The following RSRC1 variants were observed in gnomAD, a reference collection of about 807,000 sequenced individuals.
RSRC1 encodes the protein serine/Arginine-related protein 53.
Under a neutral mutation model 49.1 loss-of-function variants are expected in RSRC1, and 39 were observed. The observed-to-expected ratio is 0.79, with a 90% CI of 0.61 to 1.04. The LOEUF (loss-of-function observed/expected upper bound fraction) is 1.04, where lower values mean the gene tolerates loss of function less well. Ranked by LOEUF, RSRC1 falls within the 50% of genes least tolerant of loss-of-function variation. RSRC1 has a pLI of 0.00. For synonymous variants in RSRC1, 143 were observed against 130.8 expected (o/e 1.09, Z -0.63); for missense variants, 388 against 402.4 (o/e 0.96, Z 0.31).
At chr3:158,487,962 A>AAAAAAAAAAAAAAAAAAAAAAAAC (rs1560062752) in intron 7 of RSRC1, among the ~76,000 whole-genome samples, 1 of 147,704 alleles carries the variant, frequency 6.8e-6, no homozygotes, top group Non-Finnish European at 1.5e-5. Flanking sequence ...AAAAAAAAAA[A>AAAAAAAAAAAAAAAAAAAAAAAAC]AAAAAAAAAA....
intron 4 of RSRC1, among the ~76,000 whole-genome samples, chr3:158,258,332 A>G (rs1724690577): frequency 6.8e-6 from 1 of 148,096 alleles, no homozygotes; most frequent in African/African-American, 2.5e-5. Context: ...CTAATCTAGG[A>G]TAAAAGTTTT....
At chr3:158,205,418 C>T in intron 4 of RSRC1, among the ~76,000 whole-genome samples, 1 of 151,980 alleles carries the variant, frequency 6.6e-6, no homozygotes, top group East Asian at 1.9e-4. Flanking sequence ...CACATTCATT[C>T]ATCTGTTTAA....
intron 7 of RSRC1, among the ~76,000 whole-genome samples, chr3:158,473,344 T>G (rs937681668): frequency 6.6e-6 from 1 of 152,114 alleles, no homozygotes; most frequent in African/African-American, 2.4e-5. Flanking sequence ...TAAAAAATGA[T>G]GAGTTCATGT....
At chr3:158,227,133 CCTT>C (rs1722572184) in intron 4 of RSRC1, among the ~76,000 whole-genome samples, 1 of 151,810 alleles carries the variant, frequency 6.6e-6, no homozygotes, top group African/African-American at 2.4e-5. Context: ...TATCCCTCCT[CCTT>C]TAACCAATTT....
chr3:158,498,726 C>T (rs1739459896), intron 7 of RSRC1, among the ~76,000 whole-genome samples: 1 of 152,052 alleles, frequency 6.6e-6, no homozygotes, highest in Non-Finnish European at 1.5e-5. Flanking sequence ...GACCTTAATC[C>T]ATCTTGAGTT....
At chr3:158,497,529 C>T (rs183575789) in intron 7 of RSRC1, among the ~76,000 whole-genome samples, 1,521 of 151,796 alleles carry the variant, frequency 0.01, 14 homozygotes, top group African/African-American at 0.035. Flanking sequence ...CTCTGCCCCC[C>T]GGGTTCAAGC....
intron 6 of RSRC1, among the ~76,000 whole-genome samples, chr3:158,407,114 A>C (rs1490542686): frequency 6.6e-6 from 1 of 152,146 alleles, no homozygotes; most frequent in Non-Finnish European, 1.5e-5. Context: ...TATTTTTATC[A>C]CAGACTCAAA....
chr3:158,397,395 A>T (rs151247123), intron 6 of RSRC1, among the ~76,000 whole-genome samples: 1 of 152,266 alleles, frequency 6.6e-6, no homozygotes, highest in East Asian at 1.9e-4. Flanking sequence ...TGTTTATATT[A>T]TACTGTTTTA....
intron 6 of RSRC1, among the ~76,000 whole-genome samples, chr3:158,357,063 G>T (rs547690964): frequency 6.6e-6 from 1 of 152,128 alleles, no homozygotes; most frequent in Non-Finnish European, 1.5e-5. Flanking sequence ...TTTTGGCCTA[G>T]GCCCGATAAG....
At chr3:158,229,258 G>A (rs1459123162) in intron 4 of RSRC1, among the ~76,000 whole-genome samples, 4 of 140,192 alleles carry the variant, frequency 2.9e-5, no homozygotes, top group Admixed American at 1.4e-4. Flanking sequence ...AAACATACAT[G>A]TATATGTGTA....
chr3:158,529,797 T>C (rs948710298), intron 7 of RSRC1, among the ~76,000 whole-genome samples: 2 of 152,016 alleles, frequency 1.3e-5, no homozygotes, highest in East Asian at 3.9e-4. Context: ...AACTGTCATT[T>C]TGGGTAGTTT....
intron 6 of RSRC1, among the ~76,000 whole-genome samples, chr3:158,428,510 C>T (rs1220922382): frequency 6.6e-6 from 1 of 151,684 alleles, no homozygotes; most frequent in African/African-American, 2.4e-5. Context: ...GTTTTCTTAA[C>T]TGTAAAATGA....
intron 5 of RSRC1, among the ~76,000 whole-genome samples, chr3:158,319,754 C>G (rs1728657190): frequency 6.6e-6 from 1 of 152,044 alleles, no homozygotes; most frequent in African/African-American, 2.4e-5. Flanking sequence ...TAATAAGGTA[C>G]ACTACTAGAA....
chr3:158,175,475 A>G (rs1031113045), intron 3 of RSRC1, among the ~76,000 whole-genome samples: 12 of 149,344 alleles, frequency 8.0e-5, no homozygotes, highest in Admixed American at 6.8e-4. Flanking sequence ...TGTGGTGTGT[A>G]TGGTATGATT....
intron 7 of RSRC1, among the ~76,000 whole-genome samples, chr3:158,484,904 T>A (rs939702838): frequency 6.6e-6 from 1 of 152,074 alleles, no homozygotes; most frequent in African/African-American, 2.4e-5. Context: ...GGAAAATATG[T>A]TTGCTAGAAC....
At chr3:158,298,564 T>C (rs963251427) in intron 5 of RSRC1, among the ~76,000 whole-genome samples, 1 of 152,110 alleles carries the variant, frequency 6.6e-6, no homozygotes, top group Non-Finnish European at 1.5e-5. Flanking sequence ...TATAAAATAA[T>C]TGAGATGCAA....
intron 4 of RSRC1, among the ~76,000 whole-genome samples, chr3:158,253,123 G>A (rs952985088): frequency 3.3e-5 from 5 of 151,792 alleles, no homozygotes; most frequent in South Asian, 2.1e-4. Flanking sequence ...TTGGGGTTTG[G>A]TTTGGTCTTC....
intron 6 of RSRC1, among the ~76,000 whole-genome samples, chr3:158,395,472 A>G (rs1733561387): frequency 6.6e-6 from 1 of 152,134 alleles, no homozygotes; most frequent in African/African-American, 2.4e-5. Flanking sequence ...AGGTACTTAA[A>G]CAAATTAACA....
At chr3:158,354,987 TA>T (rs5853823) in intron 6 of RSRC1, 79 bp downstream of exon 6, 264,707 of 690,204 alleles carry the variant, frequency 0.38, 41,132 homozygotes, top group East Asian at 0.57. Context: ...TAGAAATGAG[TA>T]AAAAAAAAAA....
Sources: allele counts gnomAD v4.1 joint callset (sites outside exome capture counted in the v4.1 genomes callset), GRCh38; gene constraint gnomAD v4.1.1; transcripts MANE v1.5; gene names NCBI Gene and HGNC (gene_info 2026-07-23, HGNC 2026-07-21).